The following ZNF799 variants were observed in gnomAD, a reference collection of about 807,000 sequenced individuals.
The protein encoded by ZNF799 is zinc finger protein 799.
In ZNF799, 28 loss-of-function variants were observed where a neutral mutation model predicts 41.0. The observed-to-expected ratio is 0.68, with a 90% CI of 0.51 to 0.94. The LOEUF (loss-of-function observed/expected upper bound fraction) is 0.94, where lower values mean the gene tolerates loss of function less well. Among genes scored for constraint, ZNF799 ranks in the 40% least tolerant of loss-of-function variants. The pLI, the probability that ZNF799 is intolerant of heterozygous loss-of-function variation, is 0.00. For missense variants in ZNF799, 716 were observed against 764.3 expected (o/e 0.94, Z 0.74); for synonymous variants, 213 against 252.9 (o/e 0.84, Z 1.50).
the ZNF799 span, among the ~76,000 whole-genome samples, chr19:12,407,504 C>T: frequency 4.1e-5 from 6 of 147,046 alleles, no homozygotes; most frequent in South Asian, 1.1e-3. Flanking sequence ...AGAACTAGAA[C>T]AAATTCTGGT....
the ZNF799 span, among the ~76,000 whole-genome samples, chr19:12,410,951 G>T: frequency 4.6e-5 from 7 of 152,128 alleles, no homozygotes; most frequent in African/African-American, 1.4e-4. Context: ...CAAGAAAAAG[G>T]AACCAGACCA....
At chr19:12,413,083 G>A in the ZNF799 span, among the ~76,000 whole-genome samples, 1 of 146,796 alleles carries the variant, frequency 6.8e-6, no homozygotes, top group Non-Finnish European at 1.5e-5. Flanking sequence ...CTTATCCTGA[G>A]TCCCTCAAAT....
chr19:12,391,222 A>G lies in ZNF799; in HGVS notation c.1176T>C (p.Pro392=). 6.2e-7 allele frequency: 1 copy of G among 1,614,144 alleles called. No individual in the cohort carries two copies. Among genetic ancestry groups the G allele is most frequent in the African/African-American group, 1.3e-5 (1 of 75,042 alleles). The change falls in exon 4 of 4, where the codon CCT becomes CCC. Residue 392 remains proline (P), a synonymous_variant. Coordinates refer to ENST00000430385, the MANE Select transcript of ZNF799 (RefSeq NM_001080821.3). ...CTTTCCCACATATCTTGCATTTGTG[A>G]GGTCCATCTCCAGTGTGCATTGTCA... is the stretch of plus-strand genomic sequence containing the variant. The part of the protein sequence containing the change: ...RHMTMHTGDG[P]HKCKICGKAF...
intron 1 of ZNF799, among the ~76,000 whole-genome samples, chr19:12,396,391 T>G (rs1188576651): frequency 6.6e-6 from 1 of 152,294 alleles, no homozygotes; most frequent in African/African-American, 2.4e-5. Flanking sequence ...GGCTCACGCC[T>G]GTAATCCCAG....
intron 1 of ZNF799, among the ~76,000 whole-genome samples, chr19:12,400,065 A>G (rs3859516): frequency 0.12 from 17,332 of 142,848 alleles, 1,126 homozygotes; most frequent in South Asian, 0.18. Flanking sequence ...TGAATTAAGG[A>G]CAGAAGGTTA....
At chr19:12,411,816 T>C in the ZNF799 span, among the ~76,000 whole-genome samples, 1 of 152,118 alleles carries the variant, frequency 6.6e-6, no homozygotes, top group African/African-American at 2.4e-5. Context: ...TTTTACCATG[T>C]TGGTCAGGCT....
chr19:12,409,642 T>C, the ZNF799 span, among the ~76,000 whole-genome samples: 2 of 152,316 alleles, frequency 1.3e-5, no homozygotes, highest in African/African-American at 4.8e-5. Context: ...TGGACTATAT[T>C]CTGAGCCATA....
chr19:12,392,241 G>A, intron 3 of ZNF799, 35 bp from the exon 4 acceptor site: 3 of 1,521,204 alleles, frequency 2.0e-6, no homozygotes. Flanking sequence ...CTAAAAGTCG[G>A]TCTATAAATA....
chr19:12,402,460 G>A (rs2432248), upstream of ZNF799, among the ~76,000 whole-genome samples: 12 of 132,256 alleles, frequency 9.1e-5, no homozygotes, highest in East Asian at 1.7e-3. Flanking sequence ...CTGGGACTTC[G>A]AGTACTGTGC....
At chr19:12,394,866 A>G (rs1478157400) in intron 1 of ZNF799, 1 of 985,190 alleles carries the variant, frequency 1.0e-6, no homozygotes. Context: ...AAACAAATAA[A>G]GGATTTTATT....
chr19:12,397,817 A>C (rs2144901637), intron 1 of ZNF799, among the ~76,000 whole-genome samples: 1 of 152,314 alleles, frequency 6.6e-6, no homozygotes, highest in African/African-American at 2.4e-5. Context: ...GGACTGACAC[A>C]GTAGAAAAAA....
rs571193704 is a variant in ZNF799 at position 12,400,068 on chromosome 19, G to T, written c.3+1000C>A. On this transcript the variant is annotated intron_variant, in intron 1 of 3. Coordinates refer to ENST00000430385, the MANE Select transcript of ZNF799 (RefSeq NM_001080821.3). The stretch of plus-strand genomic sequence containing the variant: ...ATACCGTTGCTGTGAATTAAGGACA[G>T]AAGGTTAGCCTGGGGAAGTCTCTGG... Among the ~76,000 whole-genome samples the T allele has an allele frequency of 5.3e-5, 8 of 152,310 alleles. No homozygotes were observed. The East Asian group carries it at 1.5e-3, about 29-fold the overall frequency.
At position 12,401,014 on chromosome 19, in the gene ZNF799, G is replaced by C. The variant is rs182653947; in HGVS notation, c.3+54C>G. On this transcript the variant is annotated intron_variant, in intron 1 of 3. Coordinates refer to ENST00000430385, the MANE Select transcript of ZNF799 (RefSeq NM_001080821.3). ...CCGGGTCCAGCCACAGCCGATTACT[G>C]CAGGTTCCACCCAGCCCCTCCCCCG... is the stretch of plus-strand genomic sequence containing the variant. The C allele has an allele frequency of 2.4e-3, 3,799 of 1,613,708 alleles. 44 individuals carry two copies. In the African/African-American group the frequency reaches 0.04, roughly 17 times the overall value.
At chr19:12,412,845 G>A in the ZNF799 span, among the ~76,000 whole-genome samples, 2 of 151,794 alleles carry the variant, frequency 1.3e-5, no homozygotes, top group African/African-American at 4.8e-5. Context: ...TTTGAGACCA[G>A]CCTGACCAAC....
upstream of ZNF799, among the ~76,000 whole-genome samples, chr19:12,401,884 T>G (rs1969995255): frequency 6.7e-6 from 1 of 149,534 alleles, no homozygotes; most frequent in Non-Finnish European, 1.5e-5. Context: ...CCAATTATAC[T>G]CTTTTTCAAT....
At chr19:12,395,821 G>A (rs1239967377) in intron 1 of ZNF799, among the ~76,000 whole-genome samples, 2 of 152,318 alleles carry the variant, frequency 1.3e-5, no homozygotes, top group Non-Finnish European at 2.9e-5. Context: ...AAGTGTTCAA[G>A]GGATGCCCCA....
At chr19:12,404,544 TCTC>T (rs751535799), upstream of ZNF799, among the ~76,000 whole-genome samples, 3 of 152,168 alleles carry the variant, frequency 2.0e-5, no homozygotes, top group Non-Finnish European at 4.4e-5. Context: ...TTCAAGCAGT[TCTC>T]CTGCCTGCTG....
At chr19:12,412,720 G>C in the ZNF799 span, among the ~76,000 whole-genome samples, 4 of 151,834 alleles carry the variant, frequency 2.6e-5, no homozygotes, top group Non-Finnish European at 5.9e-5. Context: ...TCTGATCCAC[G>C]GCCCACATCC....
chr19:12,406,626 C>T, the ZNF799 span, among the ~76,000 whole-genome samples: 30 of 152,096 alleles, frequency 2.0e-4, no homozygotes, highest in South Asian at 1.0e-3. Flanking sequence ...AGAGGCCTGG[C>T]GCGGTGGCTC....
Sources: allele counts gnomAD v4.1 joint callset (sites outside exome capture counted in the v4.1 genomes callset), GRCh38; gene constraint gnomAD v4.1.1; transcripts MANE v1.5; gene names NCBI Gene and HGNC (gene_info 2026-07-23, HGNC 2026-07-21).